The following CCDC60 variants were observed in gnomAD, a reference collection of about 807,000 sequenced individuals.
The protein encoded by CCDC60 is coiled-coil domain containing 60.
CCDC60 carries 54 observed loss-of-function variants against 63.5 expected under a neutral mutation model. The observed-to-expected ratio is 0.85, with a 90% CI of 0.68 to 1.07. CCDC60 has a LOEUF of 1.07. Among genes scored for constraint, CCDC60 ranks in the 50% least tolerant of loss-of-function variants. The pLI is 0.00. For missense variants in CCDC60, 651 were observed against 684.3 expected, an observed-to-expected ratio of 0.95 and a Z score of 0.54; for synonymous variants, 206 against 238.8, an observed-to-expected ratio of 0.86 and a Z score of 1.27.
chr12:119,348,539 G>T (rs1360635490), intron 1 of CCDC60, among the ~76,000 whole-genome samples: 3 of 152,152 alleles, frequency 2.0e-5, no homozygotes, highest in Admixed American at 2.0e-4. Flanking sequence ...GATGCTGTTT[G>T]CCTGCTCTGT....
At chr12:119,436,321 C>A (rs950914283) in intron 2 of CCDC60, among the ~76,000 whole-genome samples, 1 of 152,144 alleles carries the variant, frequency 6.6e-6, no homozygotes, top group Admixed American at 6.5e-5. Context: ...GAAAGCACAT[C>A]ATTTAAGCAG....
At position 119,541,024 on chromosome 12, in the gene CCDC60, A is replaced by G. The variant is rs895721918; in HGVS notation, c.*309A>G. On this transcript the variant is annotated 3_prime_UTR_variant, in exon 14 of 14. Coordinates refer to ENST00000327554, the MANE Select transcript of CCDC60 (RefSeq NM_178499.5). Reference sequence around the variant, plus strand: ...TATTTACCTTCCTCAAGTACTGGAGAATAAAATTGAACTGAATGTTTGATG... The same window carrying G: ...TATTTACCTTCCTCAAGTACTGGAGGATAAAATTGAACTGAATGTTTGATG... 2.0e-5 allele frequency: 5 copies of G among 254,304 alleles called. No homozygotes were observed. The highest frequency in any genetic ancestry group is 1.1e-4 in the African/African-American group (5 of 44,676). 15.8% of individuals were successfully genotyped at this position (254,304 alleles called of 1,614,324 possible). A position where few individuals can be genotyped will look rare whatever the true frequency, so the allele number is the denominator to read the frequency against.
chr12:119,340,935 C>G (rs538689761), intron 1 of CCDC60, among the ~76,000 whole-genome samples: 1 of 152,294 alleles, frequency 6.6e-6, no homozygotes, highest in South Asian at 2.1e-4. Flanking sequence ...TCTAAAGAAT[C>G]TCAGCTGGCT....
chr12:119,439,326 G>A (rs1297770881), intron 2 of CCDC60, among the ~76,000 whole-genome samples: 1 of 151,960 alleles, frequency 6.6e-6, no homozygotes, highest in Non-Finnish European at 1.5e-5. Context: ...ATCCAAAGTA[G>A]ACTCCACACT....
At chr12:119,501,782 G>A (rs1687946548) in intron 6 of CCDC60, among the ~76,000 whole-genome samples, 1 of 152,184 alleles carries the variant, frequency 6.6e-6, no homozygotes, top group African/African-American at 2.4e-5. Context: ...ATGAATAGCT[G>A]TGCTTGAACT....
chr12:119,493,368 C>CA (rs1951637474), intron 5 of CCDC60, among the ~76,000 whole-genome samples: 1 of 152,002 alleles, frequency 6.6e-6, no homozygotes, highest in South Asian at 2.1e-4. Flanking sequence ...CTACAGGCAG[C>CA]AAAATTTCAC....
intron 11 of CCDC60, among the ~76,000 whole-genome samples, chr12:119,527,478 A>G (rs986087216): frequency 1.2e-4 from 18 of 151,996 alleles, no homozygotes; most frequent in Admixed American, 2.0e-4. Flanking sequence ...AAAGCAACAG[A>G]TAGGTCCCAG....
chr12:119,488,510 G>T (rs1274614374), intron 4 of CCDC60, among the ~76,000 whole-genome samples: 1 of 152,146 alleles, frequency 6.6e-6, no homozygotes, highest in African/African-American at 2.4e-5. Flanking sequence ...TACTGGCCTG[G>T]TGACCTGGCA....
At chr12:119,519,823 A>G (rs915599231) in intron 8 of CCDC60, among the ~76,000 whole-genome samples, 1 of 149,996 alleles carries the variant, frequency 6.7e-6, no homozygotes, top group African/African-American at 2.5e-5. Context: ...ATTTTGCTGT[A>G]TGGTGGGGAA....
intron 7 of CCDC60, among the ~76,000 whole-genome samples, chr12:119,514,357 T>G (rs1952296752): frequency 6.6e-6 from 1 of 150,386 alleles, no homozygotes; most frequent in South Asian, 2.1e-4. Flanking sequence ...TTTTTTTTTT[T>G]TTGTATTTTT....
chr12:119,393,061 G>C (rs1287504034), intron 1 of CCDC60, among the ~76,000 whole-genome samples: 1 of 152,150 alleles, frequency 6.6e-6, no homozygotes, highest in Admixed American at 6.5e-5. Flanking sequence ...TTACTTAGCA[G>C]GCTGAGGTGA....
chr12:119,406,198 T>TAG (rs1565991415), intron 1 of CCDC60, among the ~76,000 whole-genome samples: 5 of 138,794 alleles, frequency 3.6e-5, no homozygotes, highest in East Asian at 2.6e-4. Flanking sequence ...TATAGATATA[T>TAG]ATATATAGAG....
intron 7 of CCDC60, among the ~76,000 whole-genome samples, chr12:119,511,366 C>T (rs1952211111): frequency 6.6e-6 from 1 of 152,232 alleles, no homozygotes; most frequent in Admixed American, 6.5e-5. Context: ...CAGCAGGTTG[C>T]AGCCTCTATG....
intron 2 of CCDC60, among the ~76,000 whole-genome samples, chr12:119,446,601 GGA>G (rs1471635434): frequency 6.6e-6 from 1 of 152,152 alleles, no homozygotes; most frequent in Non-Finnish European, 1.5e-5. Flanking sequence ...AGAAAAAAAG[GGA>G]GAGGGAGAGG....
At chr12:119,378,311 C>T (rs1280366653) in intron 1 of CCDC60, among the ~76,000 whole-genome samples, 2 of 152,222 alleles carry the variant, frequency 1.3e-5, no homozygotes, top group African/African-American at 4.8e-5. Context: ...TGCTGGCATT[C>T]ACCCGTGCAA....
At chr12:119,489,723 C>T (rs1335020602) in intron 5 of CCDC60, among the ~76,000 whole-genome samples, 1 of 152,020 alleles carries the variant, frequency 6.6e-6, no homozygotes, top group Non-Finnish European at 1.5e-5. Flanking sequence ...TAAAATAGTT[C>T]CCCACCCCCC....
At position 119,507,595 on chromosome 12, in the gene CCDC60, TA is replaced by T. The variant is rs1952074841; in HGVS notation, c.883+2293del. Among the ~76,000 whole-genome samples the T allele has an allele frequency of 7.2e-4, 14 of 19,488 alleles. 1 individual carries two copies. Among genetic ancestry groups the T allele is most frequent in the East Asian group, 3.3e-3 (1 of 304 alleles). The allele number at this position is 19,488 out of a possible 152,430, so 12.8% of individuals were successfully genotyped here. On this transcript the variant is annotated intron_variant, in intron 7 of 13. Transcript: ENST00000327554. Reference sequence around the variant, plus strand: ...GTATATATACACATATATATACATATATATATATATATATATATATTTTTTT... The same window carrying T: ...GTATATATACACATATATATACATATTATATATATATATATATATTTTTTT...
Position 119,412,963 on chromosome 12 carries a change from G to A in CCDC60, c.91-15720G>A, listed in dbSNP as rs547230866. Among the ~76,000 whole-genome samples the A allele has an allele frequency of 1.8e-3, 269 of 152,162 alleles. 2 individuals carry two copies. The highest frequency in any genetic ancestry group is 5.8e-3 in the African/African-American group (240 of 41,518). On this transcript the variant is annotated intron_variant, in intron 1 of 13. Coordinates refer to ENST00000327554, the MANE Select transcript of CCDC60 (RefSeq NM_178499.5). ...GATTGGAGCCCATTTGCCATCTCAA[G>A]CCTCCCGCATTTCCAGACACGCCAT...
In CCDC60 at chr12:119,516,559, G is replaced by A; in HGVS notation, c.884-64G>A. On this transcript the variant is annotated intron_variant, in intron 7 of 13. Transcript: ENST00000327554. ...ACCCCAGTTTGGGGGGCTGCACCCT[G>A]TTCTGCACAATCCTGTCTCAGGGGT... 1.3e-5 allele frequency: 15 copies of A among 1,191,894 alleles called. No individual in the cohort carries two copies. In the South Asian group the frequency reaches 1.9e-4, roughly 15 times the overall value. The allele number at this position is 1,191,894 out of a possible 1,614,324, so 73.8% of individuals were successfully genotyped here.
Sources: gnomAD v4.1 joint callset for allele counts (sites outside exome capture counted in the v4.1 genomes callset) on GRCh38, gnomAD v4.1.1 for gene constraint, MANE v1.5 for transcripts, NCBI Gene and HGNC (gene_info 2026-07-23, HGNC 2026-07-21) for gene names.